STAG1: variants seen among roughly 807,000 people sequenced by gnomAD.
STAG1 encodes cohesin subunit SA-1.
A neutral mutation model predicts 170.9 loss-of-function variants in STAG1; 26 were observed. The observed-to-expected ratio is 0.15, with a 90% CI of 0.11 to 0.21. The LOEUF is 0.21. STAG1 is among the 10% of genes least tolerant of loss of function. The pLI, the probability that STAG1 is intolerant of heterozygous loss-of-function variation, is 1.00. For missense variants in STAG1, 964 were observed against 1,509.5 expected (o/e 0.64, Z 5.99); for synonymous variants, 514 against 497.7 (o/e 1.03, Z -0.44).
intron 7 of STAG1, among the ~76,000 whole-genome samples, chr3:136,517,301 AT>A (rs1459536207): frequency 6.6e-6 from 1 of 152,158 alleles, no homozygotes; most frequent in Admixed American, 6.5e-5. Flanking sequence ...CAAATTTTGT[AT>A]TTTAACTCCC....
chr3:136,525,604 G>T (rs573358763), intron 6 of STAG1, among the ~76,000 whole-genome samples: 5 of 152,078 alleles, frequency 3.3e-5, no homozygotes, highest in Admixed American at 3.3e-4. Flanking sequence ...CTTCAGTTCT[G>T]CTCTGATCTT....
At chr3:136,345,146 G>A (rs906255495) in intron 29 of STAG1, among the ~76,000 whole-genome samples, 1 of 152,098 alleles carries the variant, frequency 6.6e-6, no homozygotes, top group Admixed American at 6.5e-5. Flanking sequence ...CTGTAGTACA[G>A]TGGCACGATC....
At chr3:136,462,746 A>T (rs2089309574) in intron 13 of STAG1, among the ~76,000 whole-genome samples, 1 of 152,238 alleles carries the variant, frequency 6.6e-6, no homozygotes, top group East Asian at 1.9e-4. Flanking sequence ...ACCATTACAC[A>T]TTAGGTGCAT....
At chr3:136,699,786 A>G (rs1209643524) in intron 1 of STAG1, among the ~76,000 whole-genome samples, 1 of 152,214 alleles carries the variant, frequency 6.6e-6, no homozygotes, top group East Asian at 1.9e-4. Flanking sequence ...CTAATGTAAT[A>G]TATAATCCAA....
intron 1 of STAG1, among the ~76,000 whole-genome samples, chr3:136,651,002 G>A (rs543560183): frequency 2.0e-5 from 3 of 151,672 alleles, no homozygotes; most frequent in African/African-American, 4.8e-5. Flanking sequence ...TAATGGGCTC[G>A]GTTTTAGAAG....
chr3:136,569,779 C>A (rs975058499), intron 4 of STAG1, among the ~76,000 whole-genome samples: 1 of 151,420 alleles, frequency 6.6e-6, no homozygotes, highest in Non-Finnish European at 1.5e-5. Flanking sequence ...TTGTTCACAA[C>A]GAAAAATACC....
At chr3:136,422,322 T>C in intron 19 of STAG1, 88 bp downstream of exon 19, 1 of 1,279,682 alleles carries the variant, frequency 7.8e-7, no homozygotes, top group Non-Finnish European at 1.1e-6. Flanking sequence ...TCAATTTCAT[T>C]TTAAAATGAA....
At chr3:136,692,071 T>C (rs757243005) in intron 1 of STAG1, among the ~76,000 whole-genome samples, 3 of 151,968 alleles carry the variant, frequency 2.0e-5, no homozygotes, top group Non-Finnish European at 4.4e-5. Flanking sequence ...TCCCAGTACT[T>C]TGGGAGGCTG....
At chr3:136,587,838 T>C (rs961809037) in intron 4 of STAG1, among the ~76,000 whole-genome samples, 2 of 152,044 alleles carry the variant, frequency 1.3e-5, no homozygotes, top group African/African-American at 4.8e-5. Context: ...GGCGGGTCCC[T>C]GTAATCCCTG....
At chr3:136,669,274 G>C (rs928603254) in intron 1 of STAG1, among the ~76,000 whole-genome samples, 1 of 152,290 alleles carries the variant, frequency 6.6e-6, no homozygotes, top group African/African-American at 2.4e-5. Context: ...GTTAACAGTG[G>C]TTACCCTATT....
At chr3:136,746,487 G>A (rs1409373999) in intron 1 of STAG1, among the ~76,000 whole-genome samples, 3 of 151,678 alleles carry the variant, frequency 2.0e-5, no homozygotes, top group Middle Eastern at 3.4e-3. Context: ...GTTGGGCCAC[G>A]GGTTGGACAA....
chr3:136,624,751 C>G (rs1225776015), intron 2 of STAG1, among the ~76,000 whole-genome samples: 1 of 152,118 alleles, frequency 6.6e-6, no homozygotes, highest in Non-Finnish European at 1.5e-5. Context: ...TGCTGATTTT[C>G]ACGGTGTACA....
intron 1 of STAG1, among the ~76,000 whole-genome samples, chr3:136,668,579 G>T (rs1256977052): frequency 1.3e-5 from 2 of 151,926 alleles, no homozygotes; most frequent in African/African-American, 4.8e-5. Context: ...CCTTCAGGCT[G>T]CAATGCAGGC....
chr3:136,563,708 G>C (rs1238894327), intron 5 of STAG1, among the ~76,000 whole-genome samples: 1 of 149,594 alleles, frequency 6.7e-6, no homozygotes, highest in Non-Finnish European at 1.5e-5. Flanking sequence ...TCTGCAATTT[G>C]TATTTTGCCC....
At chr3:136,485,214 T>C (rs868657450) in intron 9 of STAG1, among the ~76,000 whole-genome samples, 2 of 152,026 alleles carry the variant, frequency 1.3e-5, no homozygotes, top group Middle Eastern at 3.2e-3. Context: ...TCCCAGCACT[T>C]TGGGAGGCTG....
chr3:136,658,243 G>A (rs999442866), intron 1 of STAG1, among the ~76,000 whole-genome samples: 2 of 151,092 alleles, frequency 1.3e-5, no homozygotes, highest in Admixed American at 6.6e-5. Context: ...GATGATTAAC[G>A]AACTTACAGA....
chr3:136,488,282 C>A (rs554961217), intron 9 of STAG1, among the ~76,000 whole-genome samples: 1 of 152,258 alleles, frequency 6.6e-6, no homozygotes, highest in East Asian at 1.9e-4. Context: ...GCCACTGCAT[C>A]CGGCTAATTT....
intron 5 of STAG1, among the ~76,000 whole-genome samples, chr3:136,565,929 G>C (rs1257360116): frequency 6.6e-6 from 1 of 152,188 alleles, no homozygotes; most frequent in African/African-American, 2.4e-5. Flanking sequence ...ACACACAGAA[G>C]GTGACATATG....
At chr3:136,360,639 G>A (rs1403033018) in intron 26 of STAG1, among the ~76,000 whole-genome samples, 3 of 152,010 alleles carry the variant, frequency 2.0e-5, no homozygotes, top group Non-Finnish European at 2.9e-5. Flanking sequence ...GTTCTTCCAG[G>A]GATTTCAAAT....
Sources: allele counts gnomAD v4.1 joint callset (sites outside exome capture counted in the v4.1 genomes callset), GRCh38; gene constraint gnomAD v4.1.1; transcripts MANE v1.5; gene names NCBI Gene and HGNC (gene_info 2026-07-23, HGNC 2026-07-21).